The following BLTP1 variants were observed in gnomAD, a reference collection of about 807,000 sequenced individuals.
BLTP1 encodes bridge-like lipid transfer protein family member 1.
chr4:122,277,227 GCCA>G, the BLTP1 span: 1 of 352,658 alleles, frequency 2.8e-6, no homozygotes, highest in Non-Finnish European at 4.0e-6. Context: ...TGTAGTCCCA[GCCA>G]CTTGAGAGAC....
At chr4:122,307,334 C>A in the BLTP1 span, 1 of 308,116 alleles carries the variant, frequency 3.2e-6, no homozygotes, top group Non-Finnish European at 4.7e-6. Context: ...AGCATCATAT[C>A]AACATTCAGA....
the BLTP1 span, among the ~76,000 whole-genome samples, chr4:122,323,734 A>G: frequency 1.3e-5 from 2 of 152,084 alleles, no homozygotes; most frequent in Admixed American, 1.3e-4. Context: ...CAGTCATACA[A>G]TATAATTAAA....
chr4:122,191,825 A>C, the BLTP1 span, among the ~76,000 whole-genome samples: 2 of 152,130 alleles, frequency 1.3e-5, no homozygotes, highest in African/African-American at 4.8e-5. Flanking sequence ...AGCTATGAGA[A>C]TCCACCTGTT....
At chr4:122,247,467 A>G in the BLTP1 span, 9 of 1,296,550 alleles carry the variant, frequency 6.9e-6, no homozygotes, top group South Asian at 8.3e-5. Context: ...TCGGTATTCT[A>G]TAAGAAAGAG....
At chr4:122,171,832 G>A in the BLTP1 span, 1 of 983,680 alleles carries the variant, frequency 1.0e-6, no homozygotes, top group Non-Finnish European at 1.2e-6. Context: ...GAAAAACATT[G>A]AGCAATTGTT....
chr4:122,333,688 T>C, the BLTP1 span: 4 of 1,611,762 alleles, frequency 2.5e-6, no homozygotes, highest in Non-Finnish European at 3.4e-6. Flanking sequence ...AAGAAGAAGT[T>C]TCAAACTAAT....
At chr4:122,281,921 A>G in the BLTP1 span, 1 of 1,290,488 alleles carries the variant, frequency 7.7e-7, no homozygotes, top group Non-Finnish European at 9.8e-7. Flanking sequence ...GATGTTCTCT[A>G]GTCAAGTAAA....
At chr4:122,200,085 T>C in the BLTP1 span, 2 of 948,064 alleles carry the variant, frequency 2.1e-6, no homozygotes, top group Non-Finnish European at 2.5e-6. Flanking sequence ...ATAAGGTTCT[T>C]AATTTCTTGT....
At chr4:122,254,767 G>A in the BLTP1 span, 1 of 1,457,784 alleles carries the variant, frequency 6.9e-7, no homozygotes, top group East Asian at 2.5e-5. Context: ...TACAAATTTT[G>A]ACACTTGTTT....
At chr4:122,357,960 G>A in the BLTP1 span, among the ~76,000 whole-genome samples, 1 of 152,144 alleles carries the variant, frequency 6.6e-6, no homozygotes, top group Non-Finnish European at 1.5e-5. Context: ...ATTGAGATGT[G>A]CCCAAAATTC....
At chr4:122,358,424 ATATG>A in the BLTP1 span, among the ~76,000 whole-genome samples, 2 of 152,226 alleles carry the variant, frequency 1.3e-5, no homozygotes, top group African/African-American at 2.4e-5. Context: ...CAATAACAAA[ATATG>A]TATGTGAGGA....
At chr4:122,281,765 G>T in the BLTP1 span, 1 of 1,538,866 alleles carries the variant, frequency 6.5e-7, no homozygotes, top group South Asian at 1.3e-5. Context: ...GAGAAGTCAT[G>T]GAATGACAGG....
At chr4:122,155,476 A>T in the BLTP1 span, among the ~76,000 whole-genome samples, 1 of 152,000 alleles carries the variant, frequency 6.6e-6, no homozygotes, top group Non-Finnish European at 1.5e-5. Context: ...GGCATGTGCC[A>T]CCACGCCTGG....
chr4:122,301,213 AT>A, the BLTP1 span: 22 of 1,389,230 alleles, frequency 1.6e-5, no homozygotes, highest in Non-Finnish European at 2.1e-5. Context: ...AAAAGAAAAT[AT>A]TTTGTGAGGA....
chr4:122,210,612 A>G, the BLTP1 span, among the ~76,000 whole-genome samples: 1 of 152,150 alleles, frequency 6.6e-6, no homozygotes, highest in Admixed American at 6.6e-5. Context: ...CAGGGACTCA[A>G]TAAGAATGTT....
chr4:122,247,256 G>C, the BLTP1 span: 1 of 1,613,450 alleles, frequency 6.2e-7, no homozygotes, highest in East Asian at 2.2e-5. Context: ...CAGTCATCTG[G>C]ATCTCTCAGA....
chr4:122,279,582 A>G, the BLTP1 span: 53 of 196,540 alleles, frequency 2.7e-4, no homozygotes, highest in South Asian at 6.8e-3. Flanking sequence ...ACATGTTTCA[A>G]CAAGTGAATA....
the BLTP1 span, chr4:122,227,530 T>C: frequency 3.2e-6 from 3 of 937,016 alleles, no homozygotes; most frequent in Non-Finnish European, 3.8e-6. Context: ...GAAAAATAAC[T>C]TACCCTGGTT....
the BLTP1 span, chr4:122,292,482 T>C: frequency 1.2e-6 from 1 of 850,702 alleles, no homozygotes. Flanking sequence ...TTAAAACATG[T>C]ATTTGTTTAG....
Sources: gnomAD v4.1 joint callset for allele counts (sites outside exome capture counted in the v4.1 genomes callset) on GRCh38, gnomAD v4.1.1 for gene constraint, MANE v1.5 for transcripts, NCBI Gene and HGNC (gene_info 2026-07-23, HGNC 2026-07-21) for gene names.